The following MARCHF8 variants were observed in gnomAD, a reference collection of about 807,000 sequenced individuals.
MARCHF8 encodes the protein membrane associated ring-CH-type finger 8.
MARCHF8 carries 40 observed loss-of-function variants against 51.6 expected under a neutral mutation model. The ratio of observed to expected loss-of-function variants is 0.77; its 90% confidence interval spans 0.60 to 1.01. The LOEUF (loss-of-function observed/expected upper bound fraction) is 1.01, where lower values mean the gene tolerates loss of function less well. MARCHF8 is among the 50% of genes least tolerant of loss of function. The pLI is 0.00. For synonymous variants in MARCHF8, 263 were observed against 280.3 expected (o/e 0.94, Z 0.62); for missense variants, 685 against 708.6 (o/e 0.97, Z 0.38).
intron 2 of MARCHF8, among the ~76,000 whole-genome samples, chr10:45,492,541 C>T (rs1295750611): frequency 6.6e-6 from 1 of 152,198 alleles, no homozygotes; most frequent in Non-Finnish European, 1.5e-5. Context: ...TCGTGATCTG[C>T]CCGCCTCGGC....
intron 6 of MARCHF8, among the ~76,000 whole-genome samples, chr10:45,460,479 C>T (rs1842752153): frequency 1.3e-5 from 2 of 152,196 alleles, no homozygotes; most frequent in East Asian, 1.9e-4. Context: ...CACCATTTAG[C>T]ATTTAATTGG....
chr10:45,487,530 C>T (rs1367828301), intron 3 of MARCHF8, among the ~76,000 whole-genome samples: 1 of 152,202 alleles, frequency 6.6e-6, no homozygotes, highest in African/African-American at 2.4e-5. Flanking sequence ...TGATTAGCTC[C>T]TTTAAAAGGT....
intron 3 of MARCHF8, among the ~76,000 whole-genome samples, chr10:45,477,689 C>T (rs937458402): frequency 1.3e-5 from 2 of 152,040 alleles, no homozygotes; most frequent in African/African-American, 2.4e-5. Context: ...CGCACCTGTA[C>T]AGACACATAT....
At chr10:45,536,913 T>G (rs79904575), upstream of MARCHF8, among the ~76,000 whole-genome samples, 3,774 of 150,568 alleles carry the variant, frequency 0.025, 69 homozygotes, top group Middle Eastern at 0.061. Flanking sequence ...AATGGGTTAA[T>G]CAACATCATT....
At chr10:45,544,640 C>T (rs1371368749) in intron 1 of MARCHF8, among the ~76,000 whole-genome samples, 4 of 152,100 alleles carry the variant, frequency 2.6e-5, no homozygotes, top group South Asian at 2.1e-4. Flanking sequence ...TATACAATTC[C>T]GTTTTTATAA....
At chr10:45,545,244 T>C (rs964405575) in intron 1 of MARCHF8, among the ~76,000 whole-genome samples, 6 of 152,242 alleles carry the variant, frequency 3.9e-5, no homozygotes, top group African/African-American at 1.4e-4. Flanking sequence ...CTCACCTTTG[T>C]ATCTCTCTTT....
intron 1 of MARCHF8, among the ~76,000 whole-genome samples, chr10:45,550,315 T>G (rs1263375864): frequency 6.6e-6 from 1 of 152,256 alleles, no homozygotes; most frequent in African/African-American, 2.4e-5. Flanking sequence ...TCCATACCGC[T>G]TGAAGATCTC....
chr10:45,590,782 G>A (rs1302446215), intron 1 of MARCHF8, among the ~76,000 whole-genome samples: 1 of 152,182 alleles, frequency 6.6e-6, no homozygotes, highest in Non-Finnish European at 1.5e-5. Flanking sequence ...CCAGCACTTT[G>A]GAAGGCTAAG....
rs145310972 is a variant in MARCHF8 at position 45,573,887 on chromosome 10, A to C, written c.-79+20348T>G. On this transcript the variant is annotated intron_variant, in intron 1 of 6. Transcript: ENST00000319836. The stretch of plus-strand genomic sequence containing the variant: ...CTTCTAAAACCTCTTACACTCCCCA[A>C]CTCTGGTGCCAACTTGGACAATACT... Among the ~76,000 whole-genome samples, 667 of 151,962 alleles carry C rather than the reference A, an allele frequency of 4.4e-3. 3 individuals are homozygous for C. The highest frequency in any genetic ancestry group is 0.015 in the African/African-American group (636 of 41,424).
chr10:45,460,313 C>T (rs961861638), intron 6 of MARCHF8, among the ~76,000 whole-genome samples: 3 of 152,182 alleles, frequency 2.0e-5, no homozygotes, highest in African/African-American at 7.2e-5. Flanking sequence ...CCTGACCTCT[C>T]TAAACTCCTT....
At chr10:45,534,091 G>A (rs1305178686) in intron 1 of MARCHF8, among the ~76,000 whole-genome samples, 2 of 152,098 alleles carry the variant, frequency 1.3e-5, no homozygotes, top group African/African-American at 2.4e-5. Context: ...GCTGAGGCAG[G>A]AGAATGGCAC....
intron 1 of MARCHF8, among the ~76,000 whole-genome samples, chr10:45,571,967 A>C (rs1454646515): frequency 1.3e-5 from 2 of 152,030 alleles, no homozygotes; most frequent in African/African-American, 4.8e-5. Context: ...ATTCACCCAC[A>C]TTTCATTGGT....
At chr10:45,512,814 CG>C (rs887833069) in intron 2 of MARCHF8, among the ~76,000 whole-genome samples, 6 of 152,172 alleles carry the variant, frequency 3.9e-5, no homozygotes, top group African/African-American at 1.4e-4. Context: ...ATTGGGAAAT[CG>C]GATGGTTGCC....
chr10:45,594,734 T>TG (rs1199916383), exon 1 of MARCHF8: 3 of 151,062 alleles, frequency 2.0e-5, no homozygotes, highest in Non-Finnish European at 4.4e-5. Flanking sequence ...GCGCGCGGCG[T>TG]GGGGGACTCC....
chr10:45,480,090 G>T (rs1476991932), intron 3 of MARCHF8, among the ~76,000 whole-genome samples: 1 of 152,198 alleles, frequency 6.6e-6, no homozygotes, highest in Admixed American at 6.5e-5. Context: ...CTCTTGCTAT[G>T]TTTTAGCAAA....
intron 3 of MARCHF8, among the ~76,000 whole-genome samples, chr10:45,480,973 G>T (rs1306813774): frequency 6.6e-6 from 1 of 152,256 alleles, no homozygotes; most frequent in Non-Finnish European, 1.5e-5. Flanking sequence ...CGTGAAAGCA[G>T]CCAGGAGGTG....
intron 1 of MARCHF8, among the ~76,000 whole-genome samples, chr10:45,584,145 A>G (rs1189773693): frequency 7.7e-6 from 1 of 130,238 alleles, no homozygotes; most frequent in African/African-American, 3.1e-5. Flanking sequence ...ATATATATAT[A>G]TATATATATA....
At chr10:45,512,397 G>T (rs1263720102) in intron 2 of MARCHF8, among the ~76,000 whole-genome samples, 1 of 149,458 alleles carries the variant, frequency 6.7e-6, no homozygotes, top group South Asian at 2.1e-4. Context: ...GAGGGAGGTC[G>T]GGGGGTCAGC....
At chr10:45,508,333 TAAAA>T (rs35317640) in intron 2 of MARCHF8, among the ~76,000 whole-genome samples, 4 of 94,902 alleles carry the variant, frequency 4.2e-5, no homozygotes, top group Admixed American at 1.1e-4. Context: ...TCTTTCACAG[TAAAA>T]AAAAAAAAAA....
Sources: gnomAD v4.1 joint callset for allele counts (sites outside exome capture counted in the v4.1 genomes callset) on GRCh38, gnomAD v4.1.1 for gene constraint, MANE v1.5 for transcripts, NCBI Gene and HGNC (gene_info 2026-07-23, HGNC 2026-07-21) for gene names.